The following SEMA4D variants were observed in gnomAD, a reference collection of about 807,000 sequenced individuals.
The protein encoded by SEMA4D is semaphorin 4D.
SEMA4D carries 22 observed loss-of-function variants against 74.8 expected under a neutral mutation model. The ratio of observed to expected loss-of-function variants is 0.29; its 90% CI spans 0.21 to 0.42. The LOEUF is 0.42. SEMA4D is among the 10% of genes least tolerant of loss of function. The pLI, the probability that SEMA4D is intolerant of heterozygous loss-of-function variation, is 1.00. For synonymous variants in SEMA4D, 445 were observed against 463.7 expected (o/e 0.96, Z 0.52); for missense variants, 937 against 1,118.4 (o/e 0.84, Z 2.31).
intron 2 of SEMA4D, among the ~76,000 whole-genome samples, chr9:89,423,061 T>A (rs1236544690): frequency 6.6e-6 from 1 of 152,192 alleles, no homozygotes; most frequent in African/African-American, 2.4e-5. Flanking sequence ...TGGGAAATAA[T>A]CACACATAAC....
At chr9:89,385,608 G>T (rs1838265017) in intron 13 of SEMA4D, 2 of 978,454 alleles carry the variant, frequency 2.0e-6, no homozygotes, top group Non-Finnish European at 2.4e-6. Flanking sequence ...GAGGGGAGGT[G>T]ACCACGTAAA....
At chr9:89,462,961 C>T (rs1564881996) in intron 1 of SEMA4D, among the ~76,000 whole-genome samples, 1 of 19,842 alleles carries the variant, frequency 5.0e-5, no homozygotes, top group Admixed American at 4.2e-4. Context: ...GAGGGGGGAG[C>T]GAGCGAGGGG....
At chr9:89,440,971 A>C (rs529851013) in intron 2 of SEMA4D, among the ~76,000 whole-genome samples, 10 of 152,348 alleles carry the variant, frequency 6.6e-5, no homozygotes, top group African/African-American at 2.4e-4. Flanking sequence ...CCAAGAGGGC[A>C]AAACAGCATG....
chr9:89,446,805 C>T (rs1022704471), intron 2 of SEMA4D, among the ~76,000 whole-genome samples: 5 of 152,114 alleles, frequency 3.3e-5, no homozygotes, highest in African/African-American at 9.7e-5. Flanking sequence ...CCCCTCAGGA[C>T]GTGCCTTCCA....
chr9:89,361,520 C>G (rs1234349275), exon 19 of SEMA4D: 1 of 152,214 alleles, frequency 6.6e-6, no homozygotes, highest in South Asian at 2.1e-4. Context: ...TTCACACACA[C>G]AGTGACACAG....
chr9:89,367,112 G>C (rs1368136601), intron 16 of SEMA4D: 5 of 152,598 alleles, frequency 3.3e-5, no homozygotes, highest in Non-Finnish European at 7.3e-5. Flanking sequence ...AGATGTTAAA[G>C]AAGTACTTAC....
At chr9:89,362,910 CAGGG>C (rs1564474738) in intron 18 of SEMA4D, among the ~76,000 whole-genome samples, 4 of 152,160 alleles carry the variant, frequency 2.6e-5, no homozygotes, top group Admixed American at 2.0e-4. Context: ...CGTGGGGAGA[CAGGG>C]AGCCTCTAGG....
intron 2 of SEMA4D, among the ~76,000 whole-genome samples, chr9:89,431,439 A>AT (rs1176031672): frequency 6.6e-6 from 1 of 152,086 alleles, no homozygotes; most frequent in Non-Finnish European, 1.5e-5. Flanking sequence ...TATCTTCCAA[A>AT]TTTTTTTACT....
intron 13 of SEMA4D, chr9:89,384,918 G>A (rs1313901404): frequency 1.0e-6 from 1 of 985,300 alleles, no homozygotes; most frequent in Non-Finnish European, 1.2e-6. Context: ...GAAGGCACAG[G>A]ACCCCACGGC....
chr9:89,406,893 C>T (rs181178139), intron 2 of SEMA4D, among the ~76,000 whole-genome samples: 2 of 152,164 alleles, frequency 1.3e-5, no homozygotes, highest in Admixed American at 6.5e-5. Flanking sequence ...CCAATTCCTA[C>T]AGTCCATGTC....
At chr9:89,475,689 G>A (rs1003711989) in intron 1 of SEMA4D, among the ~76,000 whole-genome samples, 1 of 152,132 alleles carries the variant, frequency 6.6e-6, no homozygotes, top group African/African-American at 2.4e-5. Context: ...TGTTTCTCCC[G>A]CCTCGCTGTG....
chr9:89,439,275 C>A (rs1026763526), intron 2 of SEMA4D, among the ~76,000 whole-genome samples: 1 of 152,146 alleles, frequency 6.6e-6, no homozygotes, highest in African/African-American at 2.4e-5. Context: ...CCACCGTACC[C>A]GGCACAATGT....
intron 6 of SEMA4D, among the ~76,000 whole-genome samples, 169 bp downstream of exon 6, chr9:89,396,568 T>G (rs1157784396): frequency 6.6e-6 from 1 of 152,234 alleles, no homozygotes; most frequent in Non-Finnish European, 1.5e-5. Flanking sequence ...ACAGCAGCTG[T>G]GCAAGACTTT....
At chr9:89,450,847 A>T in intron 2 of SEMA4D, 1 of 598,658 alleles carries the variant, frequency 1.7e-6, no homozygotes, top group Non-Finnish European at 2.9e-6. Context: ...TCCACCTAGG[A>T]CTGCCAGCAG....
chr9:89,485,354 G>C (rs1825096992), intron 1 of SEMA4D, among the ~76,000 whole-genome samples: 1 of 152,138 alleles, frequency 6.6e-6, no homozygotes, highest in African/African-American at 2.4e-5. Context: ...AGCTGCCCAG[G>C]TTATATCTGG....
rs906079839 is a variant in SEMA4D at position 89,471,879 on chromosome 9, T to C, written c.-309-15926A>G. Among the ~76,000 whole-genome samples, 6 of 142,794 alleles carry C rather than the reference T, an allele frequency of 4.2e-5. 1 individual carries two copies. The highest frequency in any genetic ancestry group is 1.4e-4 in the Admixed American group (2 of 14,464). 93.7% of individuals were successfully genotyped at this position (142,794 alleles called of 152,430 possible). A position where few individuals can be genotyped will look rare whatever the true frequency, so the allele number is the denominator to read the frequency against. On this transcript the variant is annotated intron_variant, in intron 1 of 15. Transcript: ENST00000422704. ...CAACTCAGGTGCATATAGGTTGAGG[T>C]GCAAGCCAGACAGGGTGCACACTGG...
At chr9:89,407,938 G>A (rs1843664042) in intron 2 of SEMA4D, among the ~76,000 whole-genome samples, 1 of 152,232 alleles carries the variant, frequency 6.6e-6, no homozygotes, top group South Asian at 2.1e-4. Flanking sequence ...TAACTGATTG[G>A]TAATTAGGAG....
chr9:89,365,009 T>C (rs1833395543), intron 16 of SEMA4D: 1 of 152,268 alleles, frequency 6.6e-6, no homozygotes, highest in African/African-American at 2.4e-5. Context: ...CCTTCCTTGC[T>C]CGTGAAGTCT....
intron 2 of SEMA4D, among the ~76,000 whole-genome samples, chr9:89,435,201 G>A (rs1850136264): frequency 6.6e-6 from 1 of 152,046 alleles, no homozygotes; most frequent in Non-Finnish European, 1.5e-5. Flanking sequence ...GCAGTCATAA[G>A]GTAATATTAA....
Sources: gnomAD v4.1 joint callset for allele counts (sites outside exome capture counted in the v4.1 genomes callset) on GRCh38, gnomAD v4.1.1 for gene constraint, MANE v1.5 for transcripts, NCBI Gene and HGNC (gene_info 2026-07-23, HGNC 2026-07-21) for gene names.